Variants in SDK2 observed in about 807,000 individuals in gnomAD.
The protein encoded by SDK2 is sidekick cell adhesion molecule 2.
Under a neutral mutation model 253.9 loss-of-function variants are expected in SDK2, and 105 were observed. The observed-to-expected ratio is 0.41, with a 90% confidence interval of 0.35 to 0.49. SDK2 has a LOEUF of 0.49. Ranked by LOEUF, SDK2 falls within the 20% of genes least tolerant of loss-of-function variation. The pLI is 0.06. For synonymous variants in SDK2, 1,249 were observed against 1,234.9 expected, an observed-to-expected ratio of 1.01 and a Z score of -0.24; for missense variants, 2,608 against 3,003.0, an observed-to-expected ratio of 0.87 and a Z score of 3.07.
chr17:73,586,308 C>T (rs2045601964), intron 1 of SDK2, among the ~76,000 whole-genome samples: 1 of 152,056 alleles, frequency 6.6e-6, no homozygotes, highest in South Asian at 2.1e-4. Context: ...TTTATATTCT[C>T]TTCAAAAGGA....
At chr17:73,574,652 C>T (rs1033049064) in intron 1 of SDK2, among the ~76,000 whole-genome samples, 1 of 152,194 alleles carries the variant, frequency 6.6e-6, no homozygotes, top group Non-Finnish European at 1.5e-5. Flanking sequence ...CTCTACCTCC[C>T]CTTCGGAACC....
At chr17:73,576,825 T>C (rs888460987) in intron 1 of SDK2, among the ~76,000 whole-genome samples, 18 of 152,212 alleles carry the variant, frequency 1.2e-4, no homozygotes, top group African/African-American at 4.3e-4. Flanking sequence ...CTTGCTCTGC[T>C]ATGGCTGGCA....
chr17:73,456,063 G>A lies in SDK2; in HGVS notation c.332-10C>T. 6.8e-7 allele frequency: 1 copy of A among 1,478,118 alleles called. No homozygotes were observed. Among genetic ancestry groups the A allele is most frequent in the Non-Finnish European group, 9.0e-7 (1 of 1,106,308 alleles). The allele number at this position is 1,478,118 out of a possible 1,614,324, so 91.6% of individuals were successfully genotyped here. Reference sequence around the variant, plus strand: ...TCAAAGCTCCCCATGTCTGCAGCCGGGACAACGGCAGTAGGATCAGGGGCG... The same window carrying A: ...TCAAAGCTCCCCATGTCTGCAGCCGAGACAACGGCAGTAGGATCAGGGGCG... On this transcript the variant is annotated splice_polypyrimidine_tract_variant and intron_variant, in intron 3 of 44. Coordinates refer to ENST00000392650, the MANE Select transcript of SDK2 (RefSeq NM_001144952.2).
chr17:73,430,370 T>C (rs2063316546), intron 12 of SDK2, 141 bp downstream of exon 12: 2 of 640,054 alleles, frequency 3.1e-6, no homozygotes, highest in Admixed American at 5.3e-5. Context: ...AGCCCTGCAC[T>C]CAGCTCTGGA....
intron 15 of SDK2, among the ~76,000 whole-genome samples, chr17:73,419,676 C>T (rs993229822): frequency 7.4e-5 from 11 of 148,786 alleles, no homozygotes; most frequent in Non-Finnish European, 1.5e-4. Context: ...TCAAAACCAG[C>T]CTGGGCAACA....
At chr17:73,524,399 A>G (rs1241628421) in intron 1 of SDK2, among the ~76,000 whole-genome samples, 2 of 152,038 alleles carry the variant, frequency 1.3e-5, no homozygotes, top group Non-Finnish European at 2.9e-5. Context: ...CCTCTTTCCC[A>G]GAACTAAAAT....
chr17:73,601,387 C>G (rs2045838249), intron 1 of SDK2, among the ~76,000 whole-genome samples: 1 of 152,112 alleles, frequency 6.6e-6, no homozygotes, highest in Non-Finnish European at 1.5e-5. Flanking sequence ...TAGTGTCCCC[C>G]CAAATTCATG....
At chr17:73,442,853 C>T (rs1471186886) in intron 5 of SDK2, among the ~76,000 whole-genome samples, 4 of 150,694 alleles carry the variant, frequency 2.7e-5, no homozygotes, top group African/African-American at 7.3e-5. Flanking sequence ...CTCCAAACTC[C>T]TCTTCTAATA....
chr17:73,456,334 A>C (rs1429899843), intron 3 of SDK2, among the ~76,000 whole-genome samples: 2 of 152,166 alleles, frequency 1.3e-5, no homozygotes, highest in Non-Finnish European at 2.9e-5. Context: ...TTACAATGGA[A>C]AAAACTGCTC....
rs1218122521 is a variant in SDK2 at position 73,435,806 on chromosome 17, G to A, written c.1001-162C>T. On this transcript the variant is annotated intron_variant, in intron 8 of 44. Transcript: ENST00000392650. This position sits in a 1 kb window ranked among gnomAD's most constrained non-coding sequence, Gnocchi z 5.7. The stretch of plus-strand genomic sequence containing the variant: ...AGGTGCCACTTTGGGTCTAGGGAGA[G>A]GAGGAAGATGCTCTTTGAGTGGTAA... Among the ~76,000 whole-genome samples, 1 of 152,234 alleles carries A rather than the reference G, an allele frequency of 6.6e-6. No homozygotes were observed. The highest frequency in any genetic ancestry group is 1.5e-5 in the Non-Finnish European group (1 of 68,036).
In SDK2 at chr17:73,465,613, G is replaced by A. The variant is rs988731822; in HGVS notation, c.331+6499C>T. On this transcript the variant is annotated intron_variant, in intron 3 of 44. Transcript: ENST00000392650. This position sits in a 1 kb window ranked among gnomAD's most constrained non-coding sequence, Gnocchi z 4.2. ...GGGGACAGGAAGGGGCTGGGGAGGG[G>A]GGAAGATGTTTTATTGACTTCCCCT... Among the ~76,000 whole-genome samples the A allele has an allele frequency of 2.6e-5, 4 of 152,124 alleles. No individual in the cohort carries two copies. Among genetic ancestry groups the A allele is most frequent in the Admixed American group, 6.5e-5 (1 of 15,282 alleles).
intron 1 of SDK2, among the ~76,000 whole-genome samples, chr17:73,536,185 C>T (rs1165781474): frequency 6.6e-6 from 1 of 152,142 alleles, no homozygotes; most frequent in Non-Finnish European, 1.5e-5. Flanking sequence ...TATAGCAGGT[C>T]TGGGTGGGCC....
chr17:73,352,391 TCTC>T lies in SDK2; in HGVS notation c.5758+79_5758+81del, dbSNP rs142335113. ...CCCATGCTCCTGGTGCCCTGGTGCCTCTCCTCCTTCCGCCCTGCCCAGTGTCAG... is the reference window on the plus strand; with the variant it reads ...CCCATGCTCCTGGTGCCCTGGTGCCTCTCCTTCCGCCCTGCCCAGTGTCAG... On this transcript the variant is annotated intron_variant, in intron 41 of 44. Coordinates refer to ENST00000392650, the MANE Select transcript of SDK2 (RefSeq NM_001144952.2). This position sits in a 1 kb window ranked among gnomAD's most constrained non-coding sequence, Gnocchi z 4.1. 153,698 of 1,499,630 alleles carry T rather than the reference TCTC, an allele frequency of 0.1. 8,664 individuals carry two copies. Among genetic ancestry groups the T allele is most frequent in the South Asian group, 0.19 (15,828 of 81,736 alleles). The allele number at this position is 1,499,630 out of a possible 1,614,324, so 92.9% of individuals were successfully genotyped here. A position where few individuals can be genotyped will look rare whatever the true frequency, so the allele number is the denominator to read the frequency against.
At chr17:73,595,111 A>C (rs2045736804) in intron 1 of SDK2, among the ~76,000 whole-genome samples, 1 of 152,190 alleles carries the variant, frequency 6.6e-6, no homozygotes, top group South Asian at 2.1e-4. Context: ...CGGTGCCTGA[A>C]ATAAGTGGGC....
At chr17:73,476,854 C>A (rs1482346928) in intron 2 of SDK2, among the ~76,000 whole-genome samples, 3 of 152,192 alleles carry the variant, frequency 2.0e-5, no homozygotes, top group Non-Finnish European at 4.4e-5. Context: ...TCCCCTCCCC[C>A]AGGCCGCCCT....
intron 39 of SDK2, 28 bp from the exon 40 acceptor site, chr17:73,358,232 T>C: frequency 6.4e-7 from 1 of 1,570,512 alleles, no homozygotes; most frequent in Non-Finnish European, 8.6e-7. Flanking sequence ...AGGCGAGGGA[T>C]GTATGGAACC....
At chr17:73,576,859 C>T (rs2045464393) in intron 1 of SDK2, among the ~76,000 whole-genome samples, 1 of 152,192 alleles carries the variant, frequency 6.6e-6, no homozygotes, top group African/African-American at 2.4e-5. Context: ...ACTAATGCTG[C>T]CCTATTAGCG....
At chr17:73,380,577 C>T (rs972574562) in intron 34 of SDK2, among the ~76,000 whole-genome samples, 1 of 152,226 alleles carries the variant, frequency 6.6e-6, no homozygotes, top group East Asian at 1.9e-4. Context: ...CACCTGCCCA[C>T]CTACCCAGCA....
chr17:73,387,044 T>A (rs57237194), intron 30 of SDK2, among the ~76,000 whole-genome samples: 9,341 of 151,998 alleles, frequency 0.061, 316 homozygotes, highest in Middle Eastern at 0.095. Context: ...CACTGCAACC[T>A]CCGCCTCCCG....
Sources: allele counts gnomAD v4.1 joint callset (sites outside exome capture counted in the v4.1 genomes callset), GRCh38; gene constraint gnomAD v4.1.1; non-coding constraint Gnocchi (gnomAD v3.1); transcripts MANE v1.5; gene names NCBI Gene and HGNC (gene_info 2026-07-23, HGNC 2026-07-21).